Variants in RASGRF1 observed in about 807,000 individuals in gnomAD.
The protein encoded by RASGRF1 is Ras protein specific guanine nucleotide releasing factor 1, also known as ras-specific guanine nucleotide-releasing factor 1.
RASGRF1 carries 40 observed loss-of-function variants against 138.7 expected under a neutral mutation model. The observed-to-expected ratio is 0.29, with a 90% CI of 0.22 to 0.38. The LOEUF is 0.38. RASGRF1 is among the 10% of genes least tolerant of loss of function. RASGRF1 has a pLI of 1.00. For synonymous variants in RASGRF1, 614 were observed against 663.2 expected (o/e 0.93, Z 1.14); for missense variants, 1,108 against 1,650.4 (o/e 0.67, Z 5.69).
chr15:79,002,256 G>C (rs1488102390), intron 15 of RASGRF1, among the ~76,000 whole-genome samples: 1 of 151,974 alleles, frequency 6.6e-6, no homozygotes, highest in African/African-American at 2.4e-5. Flanking sequence ...GCGTGCCCCT[G>C]GTCACTCTTA....
At chr15:79,029,779 G>A (rs1266021976) in intron 8 of RASGRF1, among the ~76,000 whole-genome samples, 2 of 152,086 alleles carry the variant, frequency 1.3e-5, no homozygotes, top group Non-Finnish European at 1.5e-5. Flanking sequence ...GTGCCACTTG[G>A]GCTGGGTTCA....
At chr15:78,978,960 C>T (rs561127818) in intron 24 of RASGRF1, 30 of 1,287,128 alleles carry the variant, frequency 2.3e-5, no homozygotes, top group African/African-American at 2.0e-4. Flanking sequence ...AGAGGGAAGA[C>T]GGTCAGGGTG....
At chr15:79,029,354 T>A (rs1015947349) in intron 8 of RASGRF1, among the ~76,000 whole-genome samples, 5 of 152,068 alleles carry the variant, frequency 3.3e-5, no homozygotes, top group Admixed American at 3.3e-4. Flanking sequence ...CTTCTCTTGA[T>A]GAGGGTGGGG....
chr15:78,996,737 CGTGT>C (rs71768027), intron 19 of RASGRF1, among the ~76,000 whole-genome samples: 52 of 147,332 alleles, frequency 3.5e-4, no homozygotes, highest in Admixed American at 4.0e-4. Context: ...TGTGTGTGTG[CGTGT>C]GTGTGTGTGT....
chr15:78,962,474 A>T (rs1386529652), intron 26 of RASGRF1, among the ~76,000 whole-genome samples: 1 of 152,132 alleles, frequency 6.6e-6, no homozygotes, highest in Non-Finnish European at 1.5e-5. Context: ...GTACAAAAGT[A>T]AAAAAAAGTC....
At chr15:78,972,661 C>T (rs1415821064) in intron 25 of RASGRF1, among the ~76,000 whole-genome samples, 9 of 152,064 alleles carry the variant, frequency 5.9e-5, no homozygotes, top group African/African-American at 2.2e-4. Flanking sequence ...AAACCCTTTC[C>T]ATCCAACAAA....
At chr15:78,999,542 G>A (rs2056471992) in intron 17 of RASGRF1, among the ~76,000 whole-genome samples, 1 of 152,134 alleles carries the variant, frequency 6.6e-6, no homozygotes, top group Non-Finnish European at 1.5e-5. Context: ...GATTCAGGAA[G>A]CTTCGTGTCC....
At chr15:79,024,713 T>C (rs1229011845) in intron 10 of RASGRF1, among the ~76,000 whole-genome samples, 1 of 152,196 alleles carries the variant, frequency 6.6e-6, no homozygotes, top group Non-Finnish European at 1.5e-5. Context: ...TTGCTCCTCC[T>C]TTGCCTTCCA....
At chr15:79,068,717 C>T (rs1010719559) in intron 1 of RASGRF1, among the ~76,000 whole-genome samples, 3 of 151,958 alleles carry the variant, frequency 2.0e-5, no homozygotes, top group Non-Finnish European at 4.4e-5. Flanking sequence ...TCTTTCCCTG[C>T]ACTTCTGGAT....
At chr15:79,012,375 G>A (rs980774842) in intron 13 of RASGRF1, 5 of 786,136 alleles carry the variant, frequency 6.4e-6, no homozygotes, top group Admixed American at 4.4e-5. Flanking sequence ...TCTGGACCTC[G>A]CCTGGATTAC....
Position 79,046,978 on chromosome 15 carries a change from AG to A in RASGRF1, c.645del (p.Trp216GlyfsTer76). On this transcript the variant is annotated frameshift_variant, in exon 5 of 27. Transcript: ENST00000558480. LOFTEE classifies it high-confidence loss of function. This position sits in a 1 kb window ranked among gnomAD's most constrained non-coding sequence, Gnocchi z 5.3. ...GTCTTCCACTTCCGCCGGCACAGCC[AG>A]CCCCGCAGGAAGCTCTGCACCTGAG... ...KIKKVQSFLR[G>X]WLCRRKWKTI... 6.2e-7 allele frequency: 1 copy of A among 1,613,072 alleles called. No individual in the cohort carries two copies. The highest frequency in any genetic ancestry group is 8.5e-7 in the Non-Finnish European group (1 of 1,179,702).
chr15:78,969,857 G>A (rs913900698), intron 26 of RASGRF1, among the ~76,000 whole-genome samples: 1 of 152,048 alleles, frequency 6.6e-6, no homozygotes, highest in African/African-American at 2.4e-5. Context: ...GAGTTTATCT[G>A]TTTTGTTCAC....
chr15:78,968,249 G>GGTGTGTGTGTGTGTGT (rs2055681304), intron 26 of RASGRF1, among the ~76,000 whole-genome samples: 1 of 32,984 alleles, frequency 3.0e-5, no homozygotes, highest in African/African-American at 1.6e-4. Context: ...TCATGACACT[G>GGTGTGTGTGTGTGTGT]ATGTGTGTGT....
chr15:78,972,943 G>A (rs945154221), intron 25 of RASGRF1, among the ~76,000 whole-genome samples: 11 of 152,274 alleles, frequency 7.2e-5, no homozygotes, highest in African/African-American at 2.6e-4. Flanking sequence ...GAGTCACCTG[G>A]ACCCGGGCTC....
intron 14 of RASGRF1, 120 bp from the exon 15 acceptor site, chr15:79,004,295 C>A: frequency 2.3e-6 from 3 of 1,290,152 alleles, no homozygotes; most frequent in Non-Finnish European, 3.1e-6. Context: ...TCTTAGGATC[C>A]CTGAAACCCA....
intron 22 of RASGRF1, among the ~76,000 whole-genome samples, chr15:78,989,432 C>T (rs1213430364): frequency 6.6e-6 from 1 of 152,084 alleles, no homozygotes; most frequent in Non-Finnish European, 1.5e-5. Context: ...CTTAGTCTCG[C>T]CCAGCACTGT....
intron 3 of RASGRF1, among the ~76,000 whole-genome samples, chr15:79,049,966 T>C (rs115849398): frequency 6.6e-6 from 1 of 152,212 alleles, no homozygotes; most frequent in African/African-American, 2.4e-5. Context: ...TCCCTTTTTT[T>C]AAAAATAATT....
intron 1 of RASGRF1, among the ~76,000 whole-genome samples, chr15:79,076,912 G>A (rs944284503): frequency 1.3e-4 from 20 of 152,184 alleles, no homozygotes; most frequent in South Asian, 4.1e-4. Context: ...GAATGCGTTT[G>A]TCACCACTGC....
At chr15:79,003,747 G>A (rs1251975162) in intron 15 of RASGRF1, 55 bp downstream of exon 15, 1 of 1,534,664 alleles carries the variant, frequency 6.5e-7, no homozygotes, top group African/African-American at 1.4e-5. Context: ...GGGCCAGGCT[G>A]AGCCTCAGTG....
Sources: gnomAD v4.1 joint callset for allele counts (sites outside exome capture counted in the v4.1 genomes callset) on GRCh38, gnomAD v4.1.1 for gene constraint, Gnocchi (gnomAD v3.1) non-coding constraint, MANE v1.5 for transcripts, NCBI Gene and HGNC (gene_info 2026-07-23, HGNC 2026-07-21) for gene names.